Variants in KCNIP1 observed in about 807,000 individuals in gnomAD.
KCNIP1 encodes the protein A-type potassium channel modulatory protein KCNIP1.
Under a neutral mutation model 33.0 loss-of-function variants are expected in KCNIP1, and 18 were observed. The observed-to-expected ratio is 0.55, with a 90% confidence interval of 0.38 to 0.81. The LOEUF (loss-of-function observed/expected upper bound fraction) is 0.81. Among genes scored for constraint, KCNIP1 ranks in the 30% least tolerant of loss-of-function variants. The probability of loss-of-function intolerance (pLI) is 0.00; values close to 1 mark genes in which losing one functional copy is unlikely to be tolerated. For missense variants in KCNIP1, 238 were observed against 271.6 expected (o/e 0.88, Z 0.87); for synonymous variants, 93 against 98.3 (o/e 0.95, Z 0.32).
intron 1 of KCNIP1, among the ~76,000 whole-genome samples, chr5:170,577,565 G>A (rs945960997): frequency 4.6e-5 from 7 of 152,068 alleles, no homozygotes; most frequent in Non-Finnish European, 1.0e-4. Flanking sequence ...TTCTGACTCA[G>A]GGGCAATAAT....
At chr5:170,659,098 G>A (rs563768865) in intron 1 of KCNIP1, among the ~76,000 whole-genome samples, 1 of 152,288 alleles carries the variant, frequency 6.6e-6, no homozygotes, top group East Asian at 1.9e-4. Context: ...AGGACCAAGT[G>A]GTACTTCTTG....
chr5:170,463,627 T>C (rs749038989), intron 1 of KCNIP1, among the ~76,000 whole-genome samples: 3 of 152,182 alleles, frequency 2.0e-5, no homozygotes, highest in Non-Finnish European at 4.4e-5. Flanking sequence ...ACTGACGTCA[T>C]GATAAAAACA....
Position 170,596,921 on chromosome 5 carries a change from G to A in KCNIP1, c.61+92288G>A, listed in dbSNP as rs182124366. Among the ~76,000 whole-genome samples, 6 of 152,360 alleles carry A rather than the reference G, an allele frequency of 3.9e-5. 1 individual carries two copies. Among genetic ancestry groups the A allele is most frequent in the South Asian group, 2.1e-4 (1 of 4,828 alleles). ...GGGAACATGAGTAGTGTGAGCTCAC[G>A]CTGAGTGAGCACTGGCTGTGCACCA... On this transcript the variant is annotated intron_variant, in intron 1 of 7. Transcript: ENST00000328939.
intron 1 of KCNIP1, among the ~76,000 whole-genome samples, chr5:170,543,813 C>T (rs1333062467): frequency 3.9e-5 from 6 of 152,176 alleles, no homozygotes; most frequent in Non-Finnish European, 7.4e-5. Context: ...AATACTTTTG[C>T]TATTTTTATG....
rs945911766 is a variant in KCNIP1, at chr5:170,637,295, T to C, written c.62-81463T>C. Among the ~76,000 whole-genome samples the C allele has an allele frequency of 2.6e-5, 4 of 151,882 alleles. No homozygotes were observed. The East Asian group carries it at 7.8e-4, about 30-fold the overall frequency. Reference sequence around the variant, plus strand: ...ACCCCGAGTGTCTGGCCAGGCTTTCTCACTGGGAAGTGGCCACTCCATCCA... The same window carrying C: ...ACCCCGAGTGTCTGGCCAGGCTTTCCCACTGGGAAGTGGCCACTCCATCCA... On this transcript the variant is annotated intron_variant, in intron 1 of 7. Transcript: ENST00000328939.
rs559823887 is a variant in KCNIP1, at chr5:170,683,972, G to T, written c.62-34786G>T. ...GGGTTTCACCATGTTGCCCAGGGTGGTCTTGAACTCCAGAGCTCAGGCGAT... is the reference window on the plus strand; with the variant it reads ...GGGTTTCACCATGTTGCCCAGGGTGTTCTTGAACTCCAGAGCTCAGGCGAT... On this transcript the variant is annotated intron_variant, in intron 1 of 7. Coordinates refer to ENST00000328939, the MANE Select transcript of KCNIP1 (RefSeq NM_014592.4). Among the ~76,000 whole-genome samples the T allele has an allele frequency of 2.6e-3, 395 of 151,588 alleles. 1 individual carries two copies. Among genetic ancestry groups the T allele is most frequent in the African/African-American group, 9.1e-3 (377 of 41,298 alleles).
chr5:170,688,988 A>AG (rs1762632684), intron 1 of KCNIP1, among the ~76,000 whole-genome samples: 1 of 89,808 alleles, frequency 1.1e-5, no homozygotes. Flanking sequence ...GAAGGAAGAA[A>AG]GGGTGGGAGG....
At chr5:170,661,682 A>AT (rs1561748806) in intron 1 of KCNIP1, among the ~76,000 whole-genome samples, 1 of 152,312 alleles carries the variant, frequency 6.6e-6, no homozygotes, top group East Asian at 1.9e-4. Context: ...ACCCAGCCCC[A>AT]TATTATACCC....
At chr5:170,492,176 C>T (rs1343498369) in intron 1 of KCNIP1, among the ~76,000 whole-genome samples, 2 of 152,364 alleles carry the variant, frequency 1.3e-5, no homozygotes, top group East Asian at 3.9e-4. Context: ...ACCCCCTGTA[C>T]TTCTGACCAA....
chr5:170,709,816 C>T (rs4041562), intron 1 of KCNIP1, among the ~76,000 whole-genome samples: 34,226 of 152,060 alleles, frequency 0.23, 5,238 homozygotes, highest in East Asian at 0.81. Context: ...TATGTTCAAA[C>T]TTTTCATCGC....
In KCNIP1 at chr5:170,520,367, T is replaced by C. The variant is rs147051072; in HGVS notation, c.61+15734T>C. Among the ~76,000 whole-genome samples the C allele has an allele frequency of 3.8e-3, 572 of 152,310 alleles. 5 individuals carry two copies. The highest frequency in any genetic ancestry group is 0.013 in the African/African-American group (539 of 41,560). ...TAGGTCTCAGAGATTCTACACCTAC[T>C]ACCTAGTATTAGCTCAATCTGACCC... On this transcript the variant is annotated intron_variant, in intron 1 of 7. Transcript: ENST00000328939.
At chr5:170,424,069 A>T (rs1755559570) in intron 1 of KCNIP1, among the ~76,000 whole-genome samples, 1 of 152,252 alleles carries the variant, frequency 6.6e-6, no homozygotes, top group Admixed American at 6.5e-5. Context: ...CTGGACATAA[A>T]TCATTCATCG....
chr5:170,679,811 G>A (rs1762269109), intron 1 of KCNIP1, among the ~76,000 whole-genome samples: 3 of 151,638 alleles, frequency 2.0e-5, no homozygotes, highest in Admixed American at 2.0e-4. Context: ...GGCTCACATG[G>A]TACTCCTTTT....
At chr5:170,493,870 A>T (rs1561650580) in intron 1 of KCNIP1, among the ~76,000 whole-genome samples, 1 of 151,836 alleles carries the variant, frequency 6.6e-6, no homozygotes. Flanking sequence ...TGCATACTCC[A>T]CTCTCTCTCC....
chr5:170,674,165 A>G lies in KCNIP1; in HGVS notation c.62-44593A>G, dbSNP rs867981854. Among the ~76,000 whole-genome samples, 244 of 62,608 alleles carry G rather than the reference A, an allele frequency of 3.9e-3. 5 individuals carry two copies. The highest frequency in any genetic ancestry group is 0.011 in the African/African-American group (160 of 13,996). 41.1% of individuals were successfully genotyped at this position (62,608 alleles called of 152,430 possible). A position where few individuals can be genotyped will look rare whatever the true frequency, so the allele number is the denominator to read the frequency against. ...GAAGGAAGGAAGGAAGGAAGGAAGG[A>G]AGGAAGGAAGGAAGGAAGGGAGGGA... On this transcript the variant is annotated intron_variant, in intron 1 of 7. Coordinates refer to ENST00000328939, the MANE Select transcript of KCNIP1 (RefSeq NM_014592.4).
chr5:170,558,475 G>GT (rs1756917745), intron 1 of KCNIP1, among the ~76,000 whole-genome samples: 1 of 152,246 alleles, frequency 6.6e-6, no homozygotes, highest in Non-Finnish European at 1.5e-5. Flanking sequence ...CATTGAACAG[G>GT]TGGGACACCA....
chr5:170,579,350 A>T (rs10475545), intron 1 of KCNIP1, among the ~76,000 whole-genome samples: 10,539 of 152,132 alleles, frequency 0.069, 511 homozygotes, highest in African/African-American at 0.13. Flanking sequence ...CCTGCATTTT[A>T]AAAAAATCAC....
At chr5:170,682,731 C>T (rs1019202471) in intron 1 of KCNIP1, among the ~76,000 whole-genome samples, 1 of 150,424 alleles carries the variant, frequency 6.6e-6, no homozygotes, top group Non-Finnish European at 1.5e-5. Context: ...AGCTTCAGAG[C>T]AGCTTCCGCT....
chr5:170,673,526 C>A (rs1361999177), intron 1 of KCNIP1, among the ~76,000 whole-genome samples: 5 of 152,200 alleles, frequency 3.3e-5, no homozygotes, highest in Non-Finnish European at 5.9e-5. Context: ...AGGCACAGGG[C>A]TAGTGAATAA....
Sources: allele counts gnomAD v4.1 joint callset (sites outside exome capture counted in the v4.1 genomes callset), GRCh38; gene constraint gnomAD v4.1.1; transcripts MANE v1.5; gene names NCBI Gene and HGNC (gene_info 2026-07-23, HGNC 2026-07-21).